The following CSMD1 variants were observed in gnomAD, a reference collection of about 807,000 sequenced individuals.
CSMD1 encodes CUB and Sushi multiple domains 1.
A neutral mutation model predicts 417.5 loss-of-function variants in CSMD1; 213 were observed. That is an observed-to-expected ratio of 0.51 (90% CI 0.46 to 0.57). The LOEUF (loss-of-function observed/expected upper bound fraction) is 0.57, where lower values mean the gene tolerates loss of function less well. Among genes scored for constraint, CSMD1 ranks in the 20% least tolerant of loss-of-function variants. The pLI is 0.00. For synonymous variants in CSMD1, 2,862 were observed against 1,736.8 expected (o/e 1.65, Z -16.11); for missense variants, 6,923 against 4,529.7 (o/e 1.53, Z -15.17).
chr8:3,154,236 G>C (rs757891469), intron 39 of CSMD1, among the ~76,000 whole-genome samples: 26 of 152,228 alleles, frequency 1.7e-4, no homozygotes, highest in Non-Finnish European at 5.9e-5. Flanking sequence ...GCCTCCCGAA[G>C]TGAGGGGATT....
intron 1 of CSMD1, among the ~76,000 whole-genome samples, chr8:4,896,859 G>T (rs538027824): frequency 6.6e-6 from 1 of 152,030 alleles, no homozygotes; most frequent in African/African-American, 2.4e-5. Flanking sequence ...TGCAGCAGCT[G>T]CCGGGAACAC....
chr8:3,332,880 T>C (rs1016676291), intron 23 of CSMD1, among the ~76,000 whole-genome samples: 5 of 152,294 alleles, frequency 3.3e-5, no homozygotes, highest in Non-Finnish European at 7.3e-5. Context: ...AGCTGACAAC[T>C]GAACATGGCA....
rs79285006 is a variant in CSMD1, at chr8:4,731,682, C to G, written c.86-94124G>C. 6.5e-3 allele frequency among the ~76,000 whole-genome samples: 992 copies of G among 152,276 alleles called. 4 individuals are homozygous for G. The highest frequency in any genetic ancestry group is 0.01 in the Middle Eastern group (3 of 294). On this transcript the variant is annotated intron_variant, in intron 1 of 69. Coordinates refer to ENST00000635120, the MANE Select transcript of CSMD1 (RefSeq NM_033225.6). Reference sequence around the variant, plus strand: ...ATGAGTATCATTTGGAAACTGAAGACTAGCACTGTTTCAAAGCTCCAATGG... The same window carrying G: ...ATGAGTATCATTTGGAAACTGAAGAGTAGCACTGTTTCAAAGCTCCAATGG...
intron 6 of CSMD1, among the ~76,000 whole-genome samples, 178 bp downstream of exon 6, chr8:3,753,752 T>C (rs1797490226): frequency 6.6e-6 from 1 of 152,274 alleles, no homozygotes; most frequent in Non-Finnish European, 1.5e-5. Context: ...GATAGTGATA[T>C]AGCTTTACTA....
chr8:4,068,340 G>A (rs570936192), intron 3 of CSMD1, among the ~76,000 whole-genome samples: 1 of 152,214 alleles, frequency 6.6e-6, no homozygotes, highest in East Asian at 1.9e-4. Context: ...ATGAGAGTGG[G>A]GCTCAAAGCA....
intron 20 of CSMD1, among the ~76,000 whole-genome samples, chr8:3,365,217 C>T (rs890666785): frequency 6.6e-6 from 1 of 152,166 alleles, no homozygotes; most frequent in Non-Finnish European, 1.5e-5. Context: ...CTGCTGATTA[C>T]AACAAATTTC....
At chr8:4,426,180 T>C (rs959222920) in intron 2 of CSMD1, among the ~76,000 whole-genome samples, 12 of 151,656 alleles carry the variant, frequency 7.9e-5, no homozygotes, top group Admixed American at 4.0e-4. Context: ...AATCAGGAAA[T>C]AGACTGGAAT....
At chr8:4,325,153 G>A (rs547295732) in intron 3 of CSMD1, among the ~76,000 whole-genome samples, 54 of 152,232 alleles carry the variant, frequency 3.5e-4, no homozygotes, top group African/African-American at 1.3e-3. Flanking sequence ...ACAAGACACA[G>A]GGGAAAGAGG....
At chr8:3,372,994 T>C (rs145313716) in intron 18 of CSMD1, among the ~76,000 whole-genome samples, 32 of 152,298 alleles carry the variant, frequency 2.1e-4, no homozygotes, top group African/African-American at 6.7e-4. Flanking sequence ...TTGGTATGAA[T>C]TGATGCAATA....
At chr8:4,382,310 G>A (rs963105467) in intron 3 of CSMD1, among the ~76,000 whole-genome samples, 9 of 152,156 alleles carry the variant, frequency 5.9e-5, no homozygotes, top group African/African-American at 1.9e-4. Context: ...AAAAAGAGAG[G>A]AGTTATATGT....
intron 1 of CSMD1, among the ~76,000 whole-genome samples, chr8:4,770,438 A>ATTCT (rs1796541815): frequency 1.3e-5 from 2 of 150,690 alleles, no homozygotes. Context: ...TCCCAATAGC[A>ATTCT]TTCTTCACAG....
chr8:3,752,844 C>T (rs58614067), intron 6 of CSMD1, among the ~76,000 whole-genome samples: 7,681 of 152,118 alleles, frequency 0.05, 706 homozygotes, highest in African/African-American at 0.18. Context: ...TTTCATTCCC[C>T]GCAACTGACC....
chr8:4,775,085 G>A (rs532677934), intron 1 of CSMD1, among the ~76,000 whole-genome samples: 3 of 152,204 alleles, frequency 2.0e-5, no homozygotes, highest in African/African-American at 4.8e-5. Context: ...AATTTAAAAG[G>A]TACTAAAGAG....
At chr8:4,422,839 G>A (rs947102751) in intron 2 of CSMD1, among the ~76,000 whole-genome samples, 1 of 151,978 alleles carries the variant, frequency 6.6e-6, no homozygotes, top group African/African-American at 2.4e-5. Flanking sequence ...ATGATCAAAT[G>A]GTGTTTATTA....
chr8:3,732,990 C>G (rs886700266), intron 6 of CSMD1, among the ~76,000 whole-genome samples: 1 of 152,194 alleles, frequency 6.6e-6, no homozygotes, highest in Admixed American at 6.5e-5. Context: ...TACCTACCTA[C>G]CTACCTAAAG....
chr8:4,337,237 A>G (rs1347676916), intron 3 of CSMD1, among the ~76,000 whole-genome samples: 1 of 152,138 alleles, frequency 6.6e-6, no homozygotes, highest in Non-Finnish European at 1.5e-5. Context: ...CAAAAACTCC[A>G]CTGCCTGATA....
At chr8:3,615,096 A>C (rs769834778) in intron 8 of CSMD1, among the ~76,000 whole-genome samples, 2 of 152,188 alleles carry the variant, frequency 1.3e-5, no homozygotes, top group Non-Finnish European at 2.9e-5. Flanking sequence ...CTAATATGAT[A>C]CTGGAAACCA....
intron 2 of CSMD1, among the ~76,000 whole-genome samples, chr8:4,518,630 G>A (rs901196531): frequency 7.3e-6 from 1 of 136,260 alleles, no homozygotes; most frequent in Non-Finnish European, 1.6e-5. Flanking sequence ...GTGGGGGGCG[G>A]GGGGAGGAAT....
At chr8:4,286,026 G>T (rs930551751) in intron 3 of CSMD1, among the ~76,000 whole-genome samples, 1 of 152,100 alleles carries the variant, frequency 6.6e-6, no homozygotes, top group African/African-American at 2.4e-5. Flanking sequence ...AGCTCTCTCT[G>T]CCTTGGCTTA....
Sources: allele counts gnomAD v4.1 joint callset (sites outside exome capture counted in the v4.1 genomes callset), GRCh38; gene constraint gnomAD v4.1.1; transcripts MANE v1.5; gene names NCBI Gene and HGNC (gene_info 2026-07-23, HGNC 2026-07-21).